NCALD: variants seen among roughly 807,000 people sequenced by gnomAD.
NCALD encodes the protein neurocalcin delta.
Under a neutral mutation model 18.6 loss-of-function variants are expected in NCALD, and 10 were observed. That is an observed-to-expected ratio of 0.54 (90% CI 0.33 to 0.91). NCALD has a LOEUF of 0.91. Ranked by LOEUF, NCALD falls within the 40% of genes least tolerant of loss-of-function variation. The pLI, the probability that NCALD is intolerant of heterozygous loss-of-function variation, is 0.03. For missense variants in NCALD, 184 were observed against 247.6 expected, an observed-to-expected ratio of 0.74 and a Z score of 1.72; for synonymous variants, 88 against 87.4, an observed-to-expected ratio of 1.01 and a Z score of -0.04.
At chr8:101,970,432 G>A (rs144820732) in intron 2 of NCALD, among the ~76,000 whole-genome samples, 2 of 152,080 alleles carry the variant, frequency 1.3e-5, no homozygotes, top group East Asian at 1.9e-4. Flanking sequence ...CCCCCTCCTG[G>A]AAGGCAGATT....
At chr8:101,706,831 C>A (rs983240603) in intron 2 of NCALD, among the ~76,000 whole-genome samples, 2 of 152,204 alleles carry the variant, frequency 1.3e-5, no homozygotes, top group African/African-American at 4.8e-5. Flanking sequence ...TTGCCAGATA[C>A]CATACTTGAT....
upstream of NCALD, among the ~76,000 whole-genome samples, chr8:101,793,112 A>G (rs1485312670): frequency 6.6e-6 from 1 of 152,188 alleles, no homozygotes; most frequent in Admixed American, 6.5e-5. Flanking sequence ...GCACTTTGGG[A>G]GGCTGAGGCC....
intron 1 of NCALD, among the ~76,000 whole-genome samples, chr8:101,734,331 G>A (rs972053622): frequency 3.3e-5 from 5 of 152,080 alleles, no homozygotes; most frequent in African/African-American, 7.2e-5. Flanking sequence ...CTGACCACCC[G>A]GAACATGACT....
rs935764196 is a variant in NCALD at position 101,701,319 on chromosome 8, C to T, written c.379-8423G>A. Among the ~76,000 whole-genome samples the T allele has an allele frequency of 9.9e-5, 15 of 152,170 alleles. 1 individual carries two copies. Among genetic ancestry groups the T allele is most frequent in the African/African-American group, 2.9e-4 (12 of 41,428 alleles). ...CCTTCTACATTTAATGGGATTAAAC[C>T]GTGAAGAGACCAGGCTACTTCCCTA... On this transcript the variant is annotated intron_variant, in intron 2 of 3. Coordinates refer to ENST00000220931, the MANE Select transcript of NCALD (RefSeq NM_032041.3).
chr8:102,082,224 C>CTTTT lies in NCALD; in HGVS notation c.-210+42012_-210+42013insAAAA, dbSNP rs1362023921. Among the ~76,000 whole-genome samples, 149 of 109,424 alleles carry CTTTT rather than the reference C, an allele frequency of 1.4e-3. 6 individuals are homozygous for CTTTT. The highest frequency in any genetic ancestry group is 3.5e-3 in the African/African-American group (92 of 26,490). The allele number at this position is 109,424 out of a possible 152,430, so 71.8% of individuals were successfully genotyped here. ...AATGGGCAGTTATTTGAGAAGCTCT[C>CTTTT]TCTTTTTTTTTTTTTTTTTTTTTTT... On this transcript the variant is annotated intron_variant, in intron 1 of 6. Coordinates refer to the NCALD transcript ENST00000311028.
chr8:101,865,514 T>C (rs1815731167), intron 4 of NCALD, among the ~76,000 whole-genome samples: 1 of 152,144 alleles, frequency 6.6e-6, no homozygotes, highest in Non-Finnish European at 1.5e-5. Context: ...GCAGGAAACA[T>C]GAACACTTAC....
chr8:102,060,188 A>T (rs139737136), intron 1 of NCALD, among the ~76,000 whole-genome samples: 3 of 151,140 alleles, frequency 2.0e-5, no homozygotes, highest in Admixed American at 6.6e-5. Flanking sequence ...TCACTGTGTT[A>T]GCCAGGATGG....
At chr8:101,976,052 A>G (rs1200005731) in intron 2 of NCALD, among the ~76,000 whole-genome samples, 1 of 152,044 alleles carries the variant, frequency 6.6e-6, no homozygotes, top group East Asian at 1.9e-4. Flanking sequence ...TGGGTTCGCT[A>G]TACTCCATTA....
chr8:101,804,701 A>T (rs201619134), intron 4 of NCALD, among the ~76,000 whole-genome samples: 1 of 128,436 alleles, frequency 7.8e-6, no homozygotes, highest in Non-Finnish European at 1.7e-5. Flanking sequence ...ACCTAATTAT[A>T]TATAAATAAT....
intron 2 of NCALD, among the ~76,000 whole-genome samples, chr8:101,702,205 T>C (rs900522291): frequency 6.6e-6 from 1 of 152,096 alleles, no homozygotes; most frequent in Admixed American, 6.6e-5. Flanking sequence ...CCACTTTGTG[T>C]ACTGGTCCCT....
intron 4 of NCALD, among the ~76,000 whole-genome samples, chr8:101,820,749 C>T (rs989848866): frequency 2.6e-5 from 4 of 152,124 alleles, no homozygotes; most frequent in Non-Finnish European, 5.9e-5. Flanking sequence ...CAGGTTAAAC[C>T]GAAGCTACAA....
chr8:102,093,372 CAG>C (rs1372619171), intron 1 of NCALD, among the ~76,000 whole-genome samples: 2 of 152,178 alleles, frequency 1.3e-5, no homozygotes, highest in Admixed American at 1.3e-4. Flanking sequence ...AGAACTGACT[CAG>C]AGATTGCTAG....
At chr8:101,971,151 C>T (rs1258548813) in intron 2 of NCALD, among the ~76,000 whole-genome samples, 3 of 152,106 alleles carry the variant, frequency 2.0e-5, no homozygotes, top group Non-Finnish European at 4.4e-5. Flanking sequence ...CTAACTAAAC[C>T]TCTTTTCTTT....
intron 2 of NCALD, among the ~76,000 whole-genome samples, chr8:102,001,644 C>A (rs889316344): frequency 1.3e-5 from 2 of 152,180 alleles, no homozygotes; most frequent in Non-Finnish European, 2.9e-5. Context: ...GGGTTACCCA[C>A]AAAGGGAAGC....
chr8:101,764,016 C>CACA (rs1563744473), intron 1 of NCALD, among the ~76,000 whole-genome samples: 469 of 15,192 alleles, frequency 0.031, 14 homozygotes, highest in Admixed American at 0.035. Context: ...ACACACACAC[C>CACA]CCCTATTGGT....
Position 101,892,561 on chromosome 8 carries a change from C to T in NCALD, c.-106-5334G>A, listed in dbSNP as rs1048672058. On this transcript the variant is annotated intron_variant, in intron 3 of 6. Transcript: ENST00000311028. Reference sequence around the variant, plus strand: ...AAGAAGGCTTCAGACGATCAAACTACTCCGAGCTACAGGAGGAAATTCAAA... The same window carrying T: ...AAGAAGGCTTCAGACGATCAAACTATTCCGAGCTACAGGAGGAAATTCAAA... Among the ~76,000 whole-genome samples, 3 of 149,038 alleles carry T rather than the reference C, an allele frequency of 2.0e-5. 1 individual carries two copies. The highest frequency in any genetic ancestry group is 4.4e-5 in the Non-Finnish European group (3 of 67,886).
chr8:101,833,610 G>GTTTTTTTTTTTTTTTTTTTTTTT (rs555031298), intron 4 of NCALD, among the ~76,000 whole-genome samples: 2 of 88,474 alleles, frequency 2.3e-5, no homozygotes, highest in African/African-American at 4.4e-5. Context: ...TTTGTTTCTT[G>GTTTTTTTTTTTTTTTTTTTTTTT]TTTTTTTTTT....
At chr8:101,838,274 T>C (rs535328533) in intron 4 of NCALD, among the ~76,000 whole-genome samples, 1 of 152,250 alleles carries the variant, frequency 6.6e-6, no homozygotes, top group Admixed American at 6.5e-5. Flanking sequence ...CAGCCTGGAG[T>C]GCAGTGGCAC....
At chr8:101,761,571 C>T (rs1811110277) in intron 1 of NCALD, among the ~76,000 whole-genome samples, 1 of 152,198 alleles carries the variant, frequency 6.6e-6, no homozygotes, top group Non-Finnish European at 1.5e-5. Flanking sequence ...TTATTAAGAA[C>T]TTATCATTTG....
Sources: gnomAD v4.1 joint callset for allele counts (sites outside exome capture counted in the v4.1 genomes callset) on GRCh38, gnomAD v4.1.1 for gene constraint, MANE v1.5 for transcripts, NCBI Gene and HGNC (gene_info 2026-07-23, HGNC 2026-07-21) for gene names.